The following SMOX variants were observed in gnomAD, a reference collection of about 807,000 sequenced individuals.
SMOX encodes spermine oxidase.
In SMOX, 22 loss-of-function variants were observed where a neutral mutation model predicts 51.0. The observed-to-expected ratio is 0.43, with a 90% CI of 0.31 to 0.62. The LOEUF (loss-of-function observed/expected upper bound fraction) is 0.62. SMOX is among the 20% of genes least tolerant of loss of function. The pLI, the probability that SMOX is intolerant of heterozygous loss-of-function variation, is 0.10. For synonymous variants in SMOX, 282 were observed against 307.8 expected (o/e 0.92, Z 0.88); for missense variants, 566 against 777.7 (o/e 0.73, Z 3.24).
chr20:4,150,411 C>A (rs542829731), intron 1 of SMOX, among the ~76,000 whole-genome samples: 2 of 152,190 alleles, frequency 1.3e-5, no homozygotes, highest in Non-Finnish European at 2.9e-5. Flanking sequence ...TGAACACTCT[C>A]CTTCAAGAAC....
Position 4,182,547 on chromosome 20 carries a change from C to A in SMOX, c.1068C>A (p.Ala356=). The A allele has an allele frequency of 6.2e-7, 1 of 1,613,808 alleles. No homozygotes were observed. The highest frequency in any genetic ancestry group is 8.5e-7 in the Non-Finnish European group (1 of 1,179,856). The stretch of plus-strand genomic sequence containing the variant: ...GCCTGCCCACAGAGAAGGTGGCTGC[C>A]ATCCACCGCCTGGGCATTGGCACCA... ...RPGLPTEKVA[A]IHRLGIGTTD... Residue 356 remains alanine (A), a synonymous_variant, in exon 5 of 7, where the codon GCC becomes GCA. Coordinates refer to ENST00000305958, the MANE Select transcript of SMOX (RefSeq NM_175839.3). The surrounding 1 kb of genome is among the most constrained non-coding windows in gnomAD (Gnocchi z 8.4).
At chr20:4,184,554 T>A (rs962895686) in intron 6 of SMOX, among the ~76,000 whole-genome samples, 18 of 151,284 alleles carry the variant, frequency 1.2e-4, no homozygotes, top group African/African-American at 4.4e-4. Context: ...GATTTTGAGT[T>A]TCCCCCATCA....
At chr20:4,152,946 T>C (rs1455686523) in intron 1 of SMOX, among the ~76,000 whole-genome samples, 1 of 152,130 alleles carries the variant, frequency 6.6e-6, no homozygotes, top group Non-Finnish European at 1.5e-5. Context: ...GGCTCCAGAA[T>C]CCATGCTTGA....
At chr20:4,185,632 A>G (rs1979671405) in intron 6 of SMOX, among the ~76,000 whole-genome samples, 1 of 96,398 alleles carries the variant, frequency 1.0e-5, no homozygotes, top group African/African-American at 6.6e-5. Flanking sequence ...AAAAACAACA[A>G]CCCCTGGCGC....
chr20:4,175,065 T>G lies in SMOX; in HGVS notation c.10T>G (p.Cys4Gly). 6.2e-7 allele frequency: 1 copy of G among 1,614,160 alleles called. No individual in the cohort carries two copies. Among genetic ancestry groups the G allele is most frequent in the Non-Finnish European group, 8.5e-7 (1 of 1,180,030 alleles). The stretch of plus-strand genomic sequence containing the variant: ...GGTGAGCGCGGACGGTATGCAAAGT[T>G]GTGAATCCAGTGGTGACAGTGCGGA... MQS[C>G]ESSGDSADDP... Residue 4 changes from cysteine (C) to glycine (G), a missense_variant, in exon 2 of 7, where the codon TGT becomes GGT. By Grantham distance (159) the Cys-to-Gly change is radical. This residue lies in a region of SMOX where 217 missense variants were observed against 278.4 expected (regional missense o/e 0.78). Transcript: ENST00000305958.
At chr20:4,169,726 C>T (rs892947706) in intron 1 of SMOX, among the ~76,000 whole-genome samples, 6 of 152,154 alleles carry the variant, frequency 3.9e-5, no homozygotes, top group Non-Finnish European at 8.8e-5. Flanking sequence ...TCAAGGGTGT[C>T]TGTTGCTTCA....
intron 6 of SMOX, among the ~76,000 whole-genome samples, chr20:4,186,202 G>A (rs1979720935): frequency 1.3e-5 from 2 of 152,186 alleles, no homozygotes; most frequent in African/African-American, 4.8e-5. Context: ...AACTACTTAG[G>A]AGGCTTAGAT....
intron 1 of SMOX, among the ~76,000 whole-genome samples, chr20:4,156,210 G>A (rs1765006): frequency 0.47 from 71,147 of 151,970 alleles, 16,909 homozygotes; most frequent in Admixed American, 0.53. Flanking sequence ...TGATCTGACC[G>A]TGGAAATCTT....
chr20:4,182,665 A>G lies in SMOX; in HGVS notation c.1186A>G (p.Thr396Ala), dbSNP rs1453568958. Residue 396 changes from threonine to alanine, a missense_variant, in exon 5 of 7, where the codon ACC becomes GCC. Around this residue, in one of 3 missense-constraint regions of SMOX, gnomAD observed 347 missense variants for 481.8 expected, o/e 0.72. Transcript: ENST00000305958. The surrounding 1 kb of genome is among the most constrained non-coding windows in gnomAD (Gnocchi z 8.4). ...GTGGGAGGACGAAGCAGAGAGCCAC[A>G]CCCTCACCTACCCACCTGAGCTCTG... ...FVWEDEAESH[T>A]LTYPPELWYR... The G allele has an allele frequency of 2.8e-5, 45 of 1,613,806 alleles. No individual in the cohort carries two copies. The Admixed American group carries it at 6.8e-4, about 25-fold the overall frequency.
rs762465057 is a variant in SMOX, at chr20:4,183,464, C to G, written c.1370-30C>G. On this transcript the variant is annotated intron_variant, in intron 5 of 6. Transcript: ENST00000305958. This position sits in a 1 kb window ranked among gnomAD's most constrained non-coding sequence, Gnocchi z 4.3. ...CATATGCAGCCATTTCTTATCCTCC[C>G]TCCTCTTGGCTTTTCTGACTCTCCA... 4.3e-6 allele frequency: 7 copies of G among 1,613,998 alleles called. No individual in the cohort carries two copies. The Admixed American group carries it at 1.2e-4, about 27-fold the overall frequency.
Position 4,153,346 on chromosome 20 carries a change from C to T in SMOX, c.-27+4369C>T, listed in dbSNP as rs977412628. On this transcript the variant is annotated intron_variant, in intron 1 of 6. Transcript: ENST00000305958. The surrounding 1 kb of genome is among the most constrained non-coding windows in gnomAD (Gnocchi z 4.4). The stretch of plus-strand genomic sequence containing the variant: ...GGATTAGAGGGACTTTTTTTCTTTG[C>T]TCCCTGGAGGTCACATGCTTGAGTG... 6.6e-6 allele frequency among the ~76,000 whole-genome samples: 1 copy of T among 151,970 alleles called. No individual in the cohort carries two copies. Among genetic ancestry groups the T allele is most frequent in the African/African-American group, 2.4e-5 (1 of 41,422 alleles).
chr20:4,183,666 G>C lies in SMOX; in HGVS notation c.1530+12G>C, dbSNP rs199745879. 386 of 1,554,470 alleles carry C rather than the reference G, an allele frequency of 2.5e-4. No individual in the cohort carries two copies. In the African/African-American group the frequency reaches 4.9e-3, roughly 20 times the overall value. ...GCTCAAAGACAGCGGTAAGCGGGGC[G>C]TTTGGGGTGAGGAGGGGAGTTGTGG... is the stretch of plus-strand genomic sequence containing the variant. On this transcript the variant is annotated intron_variant, in intron 6 of 6. Coordinates refer to ENST00000305958, the MANE Select transcript of SMOX (RefSeq NM_175839.3). This position sits in a 1 kb window ranked among gnomAD's most constrained non-coding sequence, Gnocchi z 4.3.
At chr20:4,178,557 G>A (rs563868946) in intron 3 of SMOX, among the ~76,000 whole-genome samples, 3 of 152,250 alleles carry the variant, frequency 2.0e-5, no homozygotes, top group Admixed American at 2.0e-4. Flanking sequence ...CACCGAACAA[G>A]CAAAGTAATG....
chr20:4,178,750 C>A (rs1378040529), intron 3 of SMOX, among the ~76,000 whole-genome samples: 1 of 150,472 alleles, frequency 6.6e-6, no homozygotes, highest in African/African-American at 2.5e-5. Flanking sequence ...ATGGCACGAT[C>A]TCAGCTCACC....
chr20:4,185,694 T>G (rs1979676414), intron 6 of SMOX, among the ~76,000 whole-genome samples: 1 of 102,404 alleles, frequency 9.8e-6, no homozygotes, highest in Non-Finnish European at 1.7e-5. Flanking sequence ...AAATGCAGAT[T>G]CTCAGCCTGG....
At chr20:4,150,801 G>C (rs1257982316) in intron 1 of SMOX, among the ~76,000 whole-genome samples, 1 of 147,910 alleles carries the variant, frequency 6.8e-6, no homozygotes, top group Non-Finnish European at 1.5e-5. Context: ...TCCCATCTCA[G>C]TGAATCGCCC....
At chr20:4,156,055 C>T (rs569189475) in intron 1 of SMOX, among the ~76,000 whole-genome samples, 121 of 152,272 alleles carry the variant, frequency 7.9e-4, no homozygotes, top group African/African-American at 2.2e-3. Flanking sequence ...GACTGTTCTG[C>T]GCAATCTCAA....
At position 4,181,667 on chromosome 20, in the gene SMOX, G is replaced by C; in HGVS notation, c.436-136G>C. The C allele has an allele frequency of 9.4e-7, 1 of 1,067,360 alleles. No homozygotes were observed. The highest frequency in any genetic ancestry group is 2.5e-5 in the Admixed American group (1 of 40,072). The allele number at this position is 1,067,360 out of a possible 1,614,324, so 66.1% of individuals were successfully genotyped here. A position where few individuals can be genotyped will look rare whatever the true frequency, so the allele number is the denominator to read the frequency against. The stretch of plus-strand genomic sequence containing the variant: ...TGGTGCAGCATTGAGTGCAACATCG[G>C]ATCCCTAAGGGACAGAGACCAGGGG... On this transcript the variant is annotated intron_variant, in intron 3 of 6. Transcript: ENST00000305958. This position sits in a 1 kb window ranked among gnomAD's most constrained non-coding sequence, Gnocchi z 5.6.
rs1350035400 is a variant in SMOX at position 4,155,012 on chromosome 20, G to A, written c.-27+6035G>A. Among the ~76,000 whole-genome samples the A allele has an allele frequency of 2.6e-5, 4 of 152,078 alleles. No individual in the cohort carries two copies. In the East Asian group the frequency reaches 7.7e-4, roughly 29 times the overall value. ...GGTCTGATTTCCAGGGCCTCTGACT[G>A]TAAGGAGCTCCCAAGACCACGAGGG... On this transcript the variant is annotated intron_variant, in intron 1 of 6. Coordinates refer to ENST00000305958, the MANE Select transcript of SMOX (RefSeq NM_175839.3).
Sources: gnomAD v4.1 joint callset for allele counts (sites outside exome capture counted in the v4.1 genomes callset) on GRCh38, gnomAD v4.1.1 for gene constraint, gnomAD v4.1.1 regional missense constraint, Gnocchi (gnomAD v3.1) non-coding constraint, MANE v1.5 for transcripts, NCBI Gene and HGNC (gene_info 2026-07-23, HGNC 2026-07-21) for gene names.